The following TRNT1 variants were observed in gnomAD, a reference collection of about 807,000 sequenced individuals.
The protein encoded by TRNT1 is CCA tRNA nucleotidyltransferase 1, mitochondrial.
Under a neutral mutation model 45.6 loss-of-function variants are expected in TRNT1, and 44 were observed. That is an observed-to-expected ratio of 0.97 (90% confidence interval 0.76 to 1.24). TRNT1 has a LOEUF of 1.24. Ranked by LOEUF, TRNT1 falls within the 50% of genes most tolerant of loss-of-function variation. The pLI is 0.00. For synonymous variants in TRNT1, 201 were observed against 171.4 expected (o/e 1.17, Z -1.35); for missense variants, 633 against 504.4 (o/e 1.25, Z -2.44).
intron 2 of TRNT1, chr3:3,129,865 G>A (rs1704891784): frequency 2.6e-6 from 4 of 1,550,460 alleles, no homozygotes; most frequent in Middle Eastern, 1.7e-4. Flanking sequence ...TCGAACTTAC[G>A]CAGATTGATT....
downstream of TRNT1, chr3:3,149,405 CAGT>C (rs1706314368): frequency 6.6e-6 from 1 of 151,944 alleles, no homozygotes; most frequent in African/African-American, 2.4e-5. Context: ...AAACCATTTT[CAGT>C]AGTAGTATAG....
downstream of TRNT1, among the ~76,000 whole-genome samples, chr3:3,151,335 A>G (rs1706534496): frequency 6.6e-6 from 1 of 152,216 alleles, no homozygotes; most frequent in African/African-American, 2.4e-5. Context: ...CTGGTTGCCA[A>G]GACCACATTC....
intron 5 of TRNT1, among the ~76,000 whole-genome samples, chr3:3,146,082 T>C (rs1481444344): frequency 6.6e-6 from 1 of 150,870 alleles, no homozygotes; most frequent in Non-Finnish European, 1.5e-5. Flanking sequence ...GAATGCTGTT[T>C]TTTTTTTCAT....
At chr3:3,141,153 GTTAA>G (rs1178104533) in intron 4 of TRNT1, among the ~76,000 whole-genome samples, 4 of 152,182 alleles carry the variant, frequency 2.6e-5, no homozygotes, top group Non-Finnish European at 2.9e-5. Context: ...AAACAAAAAC[GTTAA>G]TTAATATTGG....
chr3:3,134,984 C>G (rs1455086138), intron 2 of TRNT1, among the ~76,000 whole-genome samples: 2 of 152,088 alleles, frequency 1.3e-5, no homozygotes, highest in Non-Finnish European at 2.9e-5. Context: ...TGGGTAGTTA[C>G]CTCTTAGTGG....
intron 3 of TRNT1, among the ~76,000 whole-genome samples, 169 bp from the exon 4 acceptor site, chr3:3,140,341 G>A (rs1379483454): frequency 1.3e-5 from 2 of 152,056 alleles, no homozygotes; most frequent in African/African-American, 2.4e-5. Context: ...GAATAATGTG[G>A]ATATCTTTCT....
intron 5 of TRNT1, chr3:3,145,539 A>G (rs1368361498): frequency 6.6e-6 from 1 of 151,418 alleles, no homozygotes; most frequent in East Asian, 1.9e-4. Context: ...TCTTGGATAA[A>G]CTTGGTAAAT....
At chr3:3,127,166 C>G (rs547124419) in intron 1 of TRNT1, 176 bp downstream of exon 1, 2 of 152,330 alleles carry the variant, frequency 1.3e-5, no homozygotes, top group African/African-American at 4.8e-5. Context: ...GAGGTCGTGT[C>G]CCCGCCACGT....
intron 5 of TRNT1, 115 bp from the exon 6 acceptor site, chr3:3,146,313 TTA>T (rs1276738492): frequency 4.4e-6 from 3 of 682,292 alleles, no homozygotes; most frequent in East Asian, 5.8e-5. Flanking sequence ...ACCTAACTAA[TTA>T]TATGTTGTTT....
intron 4 of TRNT1, among the ~76,000 whole-genome samples, chr3:3,144,296 G>A (rs1705843326): frequency 6.6e-6 from 1 of 152,022 alleles, no homozygotes. Flanking sequence ...TAGCTTGTAT[G>A]GTGTCTTGTT....
downstream of TRNT1, chr3:3,149,569 C>A (rs534457154): frequency 1.3e-5 from 2 of 151,780 alleles, no homozygotes; most frequent in Admixed American, 6.6e-5. Flanking sequence ...CTGACAGGAA[C>A]TTCCTGGAGT....
At chr3:3,145,556 C>T (rs183356407) in intron 5 of TRNT1, 5 of 147,920 alleles carry the variant, frequency 3.4e-5, no homozygotes, top group South Asian at 2.2e-4. Context: ...AAATATGAAA[C>T]GCATGACTAG....
chr3:3,139,355 A>G (rs1705505251), intron 3 of TRNT1, among the ~76,000 whole-genome samples: 1 of 152,226 alleles, frequency 6.6e-6, no homozygotes, highest in Non-Finnish European at 1.5e-5. Flanking sequence ...AGATAGATGT[A>G]GCTTGTATTT....
intron 3 of TRNT1, among the ~76,000 whole-genome samples, chr3:3,138,078 A>G (rs1705436037): frequency 6.6e-6 from 1 of 152,206 alleles, no homozygotes; most frequent in Non-Finnish European, 1.5e-5. Context: ...GAAACATCTT[A>G]CCTGGTGCTG....
chr3:3,133,555 C>CAA (rs565087780), intron 2 of TRNT1, among the ~76,000 whole-genome samples: 1,882 of 139,162 alleles, frequency 0.014, 20 homozygotes, highest in Middle Eastern at 0.037. Context: ...GACCCTCTCT[C>CAA]AAAAAAAAAA....
chr3:3,143,578 T>C (rs1705796846), intron 4 of TRNT1, among the ~76,000 whole-genome samples: 1 of 152,216 alleles, frequency 6.6e-6, no homozygotes, highest in African/African-American at 2.4e-5. Context: ...GACGCTATCT[T>C]GGAAATGGGT....
chr3:3,128,989 G>T, intron 1 of TRNT1, 25 bp from the exon 2 acceptor site: 4 of 1,500,010 alleles, frequency 2.7e-6, no homozygotes, highest in South Asian at 1.3e-5. Context: ...AATTTCATTG[G>T]TATGCCTGTG....
chr3:3,140,627 A>T lies in TRNT1; in HGVS notation c.460A>T (p.Thr154Ser). The T allele has an allele frequency of 6.2e-7, 1 of 1,614,098 alleles. No individual in the cohort carries two copies. Among genetic ancestry groups the T allele is most frequent in the Non-Finnish European group, 8.5e-7 (1 of 1,179,986 alleles). ...WQKDAERRDL[T>S]INSMFLGFDG... is the part of the protein sequence containing the mutation. Reference sequence around the variant, plus strand: ...GAAAGATGCGGAACGCAGAGATCTCACTATAAATTCTATGTTTTTAGGTAA... The same window carrying T: ...GAAAGATGCGGAACGCAGAGATCTCTCTATAAATTCTATGTTTTTAGGTAA... The change falls in exon 4 of 8, where the codon ACT becomes TCT. Residue 154 changes from threonine (T) to serine (S), a missense_variant. Transcript: ENST00000251607.
chr3:3,132,977 C>T (rs1705108451), intron 2 of TRNT1, among the ~76,000 whole-genome samples: 1 of 152,066 alleles, frequency 6.6e-6, no homozygotes, highest in Non-Finnish European at 1.5e-5. Context: ...ATGTCAAAGA[C>T]TTGGGTGCCC....
Sources: gnomAD v4.1 joint callset for allele counts (sites outside exome capture counted in the v4.1 genomes callset) on GRCh38, gnomAD v4.1.1 for gene constraint, MANE v1.5 for transcripts, NCBI Gene and HGNC (gene_info 2026-07-23, HGNC 2026-07-21) for gene names.